The following GRAMD4 variants were observed in gnomAD, a reference collection of about 807,000 sequenced individuals.
The protein encoded by GRAMD4 is GRAM domain containing 4, also known as GRAM domain-containing protein 4.
A neutral mutation model predicts 83.9 loss-of-function variants in GRAMD4; 25 were observed. The ratio of observed to expected loss-of-function variants is 0.30; its 90% CI spans 0.22 to 0.42. The LOEUF (loss-of-function observed/expected upper bound fraction) is 0.42, where lower values mean the gene tolerates loss of function less well. Ranked by LOEUF, GRAMD4 falls within the 10% of genes least tolerant of loss-of-function variation. The pLI, the probability that GRAMD4 is intolerant of heterozygous loss-of-function variation, is 1.00. For missense variants in GRAMD4, 593 were observed against 788.7 expected, an observed-to-expected ratio of 0.75 and a Z score of 2.97; for synonymous variants, 336 against 320.9, an observed-to-expected ratio of 1.05 and a Z score of -0.50.
At position 46,659,239 on chromosome 22, in the gene GRAMD4, T is replaced by G. The variant is rs1182789300; in HGVS notation, c.404+932T>G. Among the ~76,000 whole-genome samples, 1 of 125,450 alleles carries G rather than the reference T, an allele frequency of 8.0e-6. No homozygotes were observed. The highest frequency in any genetic ancestry group is 1.7e-5 in the Non-Finnish European group (1 of 58,862). 82.3% of individuals were successfully genotyped at this position (125,450 alleles called of 152,430 possible). A position where few individuals can be genotyped will look rare whatever the true frequency, so the allele number is the denominator to read the frequency against. ...GGCCTCCCTCTCAGCCTCCACTCCCTCAGCCTCCCCCCTCAGTCTCCACCC... is the reference window on the plus strand; with the variant it reads ...GGCCTCCCTCTCAGCCTCCACTCCCGCAGCCTCCCCCCTCAGTCTCCACCC... On this transcript the variant is annotated intron_variant, in intron 4 of 18. Coordinates refer to ENST00000406902, the MANE Select transcript of GRAMD4 (RefSeq NM_015124.5). The surrounding 1 kb of genome is among the most constrained non-coding windows in gnomAD (Gnocchi z 4.1).
In GRAMD4 at chr22:46,659,104, G is replaced by A. The variant is rs1350654657; in HGVS notation, c.404+797G>A. Reference sequence around the variant, plus strand: ...ACTGGTGCCTGGTACATGAGGCCAGGGAGCTCAGGCCACTCACCTCTGGCT... The same window carrying A: ...ACTGGTGCCTGGTACATGAGGCCAGAGAGCTCAGGCCACTCACCTCTGGCT... On this transcript the variant is annotated intron_variant, in intron 4 of 18. Coordinates refer to ENST00000406902, the MANE Select transcript of GRAMD4 (RefSeq NM_015124.5). This position sits in a 1 kb window ranked among gnomAD's most constrained non-coding sequence, Gnocchi z 4.1. 6.6e-6 allele frequency among the ~76,000 whole-genome samples: 1 copy of A among 152,074 alleles called. No homozygotes were observed. The highest frequency in any genetic ancestry group is 1.5e-5 in the Non-Finnish European group (1 of 68,014).
intron 1 of GRAMD4, among the ~76,000 whole-genome samples, chr22:46,591,014 C>T (rs5767282): frequency 0.091 from 13,749 of 151,720 alleles, 738 homozygotes; most frequent in East Asian, 0.27. Flanking sequence ...AAGCCAAGAT[C>T]GTGCCACCGG....
chr22:46,669,644 C>T lies in GRAMD4; in HGVS notation c.1084+736C>T, dbSNP rs1471578279. Among the ~76,000 whole-genome samples, 5 of 150,752 alleles carry T rather than the reference C, an allele frequency of 3.3e-5. No homozygotes were observed. The East Asian group carries it at 5.9e-4, about 18-fold the overall frequency. On this transcript the variant is annotated intron_variant, in intron 13 of 18. Coordinates refer to ENST00000406902, the MANE Select transcript of GRAMD4 (RefSeq NM_015124.5). Reference sequence around the variant, plus strand: ...AGGCTGGAGTGCAGTGGCGTGATCTCGGCTCACTGCAACCTCCGCCTCCCG... The same window carrying T: ...AGGCTGGAGTGCAGTGGCGTGATCTTGGCTCACTGCAACCTCCGCCTCCCG...
At chr22:46,596,947 G>A (rs1054038466) in intron 1 of GRAMD4, among the ~76,000 whole-genome samples, 2 of 152,206 alleles carry the variant, frequency 1.3e-5, no homozygotes, top group Admixed American at 1.3e-4. Context: ...TTGGATGGCT[G>A]CAGGGCTGGC....
At chr22:46,615,685 T>TGC (rs2081475944), upstream of GRAMD4, among the ~76,000 whole-genome samples, 1 of 93,068 alleles carries the variant, frequency 1.1e-5, no homozygotes, top group African/African-American at 4.1e-5. Context: ...CCCCTGTGCG[T>TGC]AGGTTCCCCT....
At chr22:46,627,315 T>C (rs552971220) in intron 2 of GRAMD4, among the ~76,000 whole-genome samples, 1 of 152,368 alleles carries the variant, frequency 6.6e-6, no homozygotes, top group Admixed American at 6.5e-5. Flanking sequence ...TGGAAGCCGC[T>C]GGTGCCTGGC....
At chr22:46,660,594 C>A (rs1187400315) in intron 4 of GRAMD4, among the ~76,000 whole-genome samples, 1 of 152,202 alleles carries the variant, frequency 6.6e-6, no homozygotes, top group African/African-American at 2.4e-5. Context: ...TAAGAAAATT[C>A]TCAGAAAGTC....
chr22:46,593,934 A>G (rs2081234572), intron 1 of GRAMD4, among the ~76,000 whole-genome samples: 1 of 151,782 alleles, frequency 6.6e-6, no homozygotes, highest in Non-Finnish European at 1.5e-5. Context: ...TCATGTTGGC[A>G]GGATAGTCTT....
At chr22:46,591,950 G>T (rs1242446552) in intron 1 of GRAMD4, among the ~76,000 whole-genome samples, 2 of 125,300 alleles carry the variant, frequency 1.6e-5, no homozygotes, top group Non-Finnish European at 3.1e-5. Context: ...AGTGGACATT[G>T]GGGCCCAGCC....
intron 1 of GRAMD4, among the ~76,000 whole-genome samples, chr22:46,590,320 G>A (rs13057400): frequency 0.49 from 74,443 of 151,806 alleles, 20,303 homozygotes; most frequent in African/African-American, 0.75. Context: ...CTGGGGGAAG[G>A]TGGCTAGTGG....
At chr22:46,660,085 C>T (rs1417983807) in intron 4 of GRAMD4, among the ~76,000 whole-genome samples, 5 of 152,196 alleles carry the variant, frequency 3.3e-5, no homozygotes, top group East Asian at 3.9e-4. Context: ...CTCTCACTCC[C>T]GCCAGCCCCA....
intron 3 of GRAMD4, among the ~76,000 whole-genome samples, chr22:46,651,062 G>A (rs995100998): frequency 6.6e-6 from 1 of 152,228 alleles, no homozygotes; most frequent in Non-Finnish European, 1.5e-5. Context: ...TTCCCTGTGT[G>A]CCACGTACCC....
rs775955509 is a variant in GRAMD4, at chr22:46,672,952, C to T, written c.1194C>T (p.Thr398=). The T allele has an allele frequency of 9.3e-6, 15 of 1,609,954 alleles. No homozygotes were observed. The highest frequency in any genetic ancestry group is 8.9e-5 in the East Asian group (4 of 44,868). The change falls in exon 14 of 19, where the codon ACC becomes ACT. Residue 398 remains threonine (T), a synonymous_variant. Coordinates refer to ENST00000406902, the MANE Select transcript of GRAMD4 (RefSeq NM_015124.5). The surrounding 1 kb of genome is among the most constrained non-coding windows in gnomAD (Gnocchi z 4.7). ...TPYIIWRSLP[T]DPQLKERSSA... is the part of the protein sequence containing the mutation. ...ATATCATCTGGAGGAGTCTCCCCACCGACCCGCAGCTCAAGGAGCGCTCCA... is the reference window on the plus strand; with the variant it reads ...ATATCATCTGGAGGAGTCTCCCCACTGACCCGCAGCTCAAGGAGCGCTCCA...
At chr22:46,658,149 C>T (rs761799059) in intron 3 of GRAMD4, 38 bp from the exon 4 acceptor site, 2 of 1,612,730 alleles carry the variant, frequency 1.2e-6, no homozygotes, top group Non-Finnish European at 1.7e-6. Context: ...GTCGCGTGGA[C>T]ATGAGCGATG....
chr22:46,659,640 G>A lies in GRAMD4; in HGVS notation c.404+1333G>A, dbSNP rs974205265. ...TAGTGTGTGGGAAGACGGGGGATCC[G>A]CTGGGCTGACTCCCACTTCTTCCTT... On this transcript the variant is annotated intron_variant, in intron 4 of 18. Coordinates refer to ENST00000406902, the MANE Select transcript of GRAMD4 (RefSeq NM_015124.5). The surrounding 1 kb of genome is among the most constrained non-coding windows in gnomAD (Gnocchi z 4.1). 2.6e-5 allele frequency among the ~76,000 whole-genome samples: 4 copies of A among 152,146 alleles called. No individual in the cohort carries two copies. The highest frequency in any genetic ancestry group is 4.4e-5 in the Non-Finnish European group (3 of 68,016).
chr22:46,608,049 G>A (rs1385412075), intron 1 of GRAMD4, among the ~76,000 whole-genome samples: 2 of 152,172 alleles, frequency 1.3e-5, no homozygotes, highest in Admixed American at 6.5e-5. Flanking sequence ...GGGTCCTGTC[G>A]GGCACGTAGT....
At chr22:46,603,532 T>TTTTTTC in intron 1 of GRAMD4, among the ~76,000 whole-genome samples, 1 of 103,894 alleles carries the variant, frequency 9.6e-6, no homozygotes, top group Non-Finnish European at 1.9e-5. Flanking sequence ...TTTTTTTTTT[T>TTTTTTC]TTGAGATGGA....
intron 3 of GRAMD4, among the ~76,000 whole-genome samples, chr22:46,644,873 TAGGCACATTGCACTGC>T (rs1300774304): frequency 6.8e-6 from 1 of 146,866 alleles, no homozygotes; most frequent in African/African-American, 2.5e-5. Context: ...GCAGGGACTA[TAGGCACATTGCACTGC>T]ACATGGCCTT....
intron 10 of GRAMD4, 86 bp from the exon 11 acceptor site, chr22:46,668,010 G>A: frequency 2.2e-6 from 2 of 928,290 alleles, no homozygotes; most frequent in Admixed American, 2.0e-5. Context: ...AGTCCCTGGG[G>A]CTGGGAGGGC....
Sources: gnomAD v4.1 joint callset for allele counts (sites outside exome capture counted in the v4.1 genomes callset) on GRCh38, gnomAD v4.1.1 for gene constraint, Gnocchi (gnomAD v3.1) non-coding constraint, MANE v1.5 for transcripts, NCBI Gene and HGNC (gene_info 2026-07-23, HGNC 2026-07-21) for gene names.